Variants in CNTN6 observed in about 807,000 individuals in gnomAD.
CNTN6 encodes the protein contactin-6.
CNTN6 carries 137 observed loss-of-function variants against 122.8 expected under a neutral mutation model. The ratio of observed to expected loss-of-function variants is 1.12; its 90% CI spans 0.97 to 1.29. The LOEUF (loss-of-function observed/expected upper bound fraction) is 1.29. Ranked by LOEUF, CNTN6 falls within the 50% of genes most tolerant of loss-of-function variation. The probability of loss-of-function intolerance (pLI) is 0.00; values close to 1 mark genes in which losing one functional copy is unlikely to be tolerated. For synonymous variants in CNTN6, 570 were observed against 426.0 expected (o/e 1.34, Z -4.16); for missense variants, 1,634 against 1,223.4 (o/e 1.34, Z -5.01).
intron 17 of CNTN6, among the ~76,000 whole-genome samples, chr3:1,377,988 C>G (rs1710126510): frequency 6.6e-6 from 1 of 152,142 alleles, no homozygotes; most frequent in South Asian, 2.1e-4. Context: ...CAAGGACTCC[C>G]AACTGCAATT....
chr3:1,292,932 T>G (rs1406125281), intron 5 of CNTN6, among the ~76,000 whole-genome samples: 2 of 151,900 alleles, frequency 1.3e-5, no homozygotes, highest in Non-Finnish European at 1.5e-5. Context: ...GTTCCCACAC[T>G]CATAACATGC....
rs912181661 is a variant in CNTN6 at position 1,403,335 on chromosome 3, A to G, written c.3004A>G (p.Ile1002Val). 3.7e-5 allele frequency: 60 copies of G among 1,609,080 alleles called. No individual in the cohort carries two copies. The highest frequency in any genetic ancestry group is 5.1e-5 in the Non-Finnish European group (60 of 1,177,342). ...TTTTGCAGGTTTGAGTTCCAGAGGA[A>G]TTCAATTCTTAGAACCTAGCACCCA... The part of the protein sequence containing the change: ...PKMSSLSSRG[I>V]QFLEPSTHFL... The change falls in exon 23 of 23, where the codon ATT becomes GTT. Residue 1002 changes from isoleucine (I) to valine (V), a missense_variant. Coordinates refer to ENST00000446702, the MANE Select transcript of CNTN6 (RefSeq NM_001289080.2).
At chr3:1,135,800 C>G (rs2092457466) in intron 1 of CNTN6, among the ~76,000 whole-genome samples, 2 of 152,076 alleles carry the variant, frequency 1.3e-5, no homozygotes, top group African/African-American at 4.8e-5. Context: ...CAAGACCTGC[C>G]TGACCAACAC....
intron 1 of CNTN6, among the ~76,000 whole-genome samples, chr3:1,132,232 C>T (rs1220221526): frequency 1.3e-5 from 2 of 151,944 alleles, no homozygotes; most frequent in Non-Finnish European, 2.9e-5. Flanking sequence ...TTTTCAAACT[C>T]ATGTCTTTTA....
intron 12 of CNTN6, among the ~76,000 whole-genome samples, chr3:1,359,402 A>G (rs1489661660): frequency 6.6e-6 from 1 of 152,074 alleles, no homozygotes; most frequent in East Asian, 1.9e-4. Context: ...AGACATCTCA[A>G]CTTTTAGACA....
chr3:1,281,595 G>T (rs528806618), intron 5 of CNTN6, among the ~76,000 whole-genome samples: 1 of 152,014 alleles, frequency 6.6e-6, no homozygotes, highest in African/African-American at 2.4e-5. Context: ...TTCCCGAGTA[G>T]CTGGAACCAC....
At chr3:1,148,379 AT>A (rs1397110229) in intron 2 of CNTN6, among the ~76,000 whole-genome samples, 3 of 151,822 alleles carry the variant, frequency 2.0e-5, no homozygotes, top group Non-Finnish European at 4.4e-5. Context: ...GTAATTAAAT[AT>A]TTTTATCACC....
intron 1 of CNTN6, among the ~76,000 whole-genome samples, chr3:1,129,357 C>A (rs1206620737): frequency 6.6e-6 from 1 of 151,994 alleles, no homozygotes; most frequent in African/African-American, 2.4e-5. Context: ...ATCCTCCATT[C>A]CCAGGCGACT....
In CNTN6 at chr3:1,271,752, T is replaced by C. The variant is rs184868518; in HGVS notation, c.359-6661T>C. Among the ~76,000 whole-genome samples the C allele has an allele frequency of 5.0e-3, 765 of 152,270 alleles. 5 individuals carry two copies. The highest frequency in any genetic ancestry group is 0.013 in the Admixed American group (206 of 15,292). The stretch of plus-strand genomic sequence containing the variant: ...CCTTTACCCCTCCGCTAGCAATTTG[T>C]ACAACTTTTTGGAAAAGCATTAGGC... On this transcript the variant is annotated intron_variant, in intron 4 of 22. Transcript: ENST00000446702.
At chr3:1,167,023 C>T (rs944738868) in intron 2 of CNTN6, among the ~76,000 whole-genome samples, 2 of 149,324 alleles carry the variant, frequency 1.3e-5, no homozygotes, top group African/African-American at 5.0e-5. Context: ...GCACGTTCTG[C>T]ACATGTATCC....
At chr3:1,387,147 C>T (rs1280861923) in intron 20 of CNTN6, among the ~76,000 whole-genome samples, 1 of 151,214 alleles carries the variant, frequency 6.6e-6, no homozygotes, top group East Asian at 1.9e-4. Flanking sequence ...CTCACTCCTT[C>T]CCAAATTACC....
At position 1,327,407 on chromosome 3, in the gene CNTN6, G is replaced by C. The variant is rs1234444055; in HGVS notation, c.1084-50G>C. The C allele has an allele frequency of 1.1e-5, 17 of 1,558,828 alleles. No homozygotes were observed. The Middle Eastern group carries it at 5.6e-4, about 52-fold the overall frequency. On this transcript the variant is annotated intron_variant, in intron 9 of 22. Transcript: ENST00000446702. ...GTTTAATAACATATCCTGGTTAAGAGAATGCTATATTAACGTACAAGCATC... is the reference window on the plus strand; with the variant it reads ...GTTTAATAACATATCCTGGTTAAGACAATGCTATATTAACGTACAAGCATC...
chr3:1,385,270 T>TGACTGATTATATACAA (rs569356683), intron 19 of CNTN6, among the ~76,000 whole-genome samples: 121 of 152,246 alleles, frequency 7.9e-4, no homozygotes, highest in African/African-American at 2.7e-3. Context: ...TGAAAGTCTT[T>TGACTGATTATATACAA]GACTGATTAT....
chr3:1,172,620 C>CTG (rs3836248), intron 2 of CNTN6, among the ~76,000 whole-genome samples: 10,959 of 149,994 alleles, frequency 0.073, 483 homozygotes, highest in Non-Finnish European at 0.11. Flanking sequence ...CAATAACTCT[C>CTG]TGTGTGTGTG....
At chr3:1,386,177 T>A (rs1041159009) in intron 20 of CNTN6, among the ~76,000 whole-genome samples, 4 of 152,206 alleles carry the variant, frequency 2.6e-5, no homozygotes, top group African/African-American at 9.7e-5. Flanking sequence ...GTCATATTTA[T>A]GTTTTCATAG....
intron 1 of CNTN6, among the ~76,000 whole-genome samples, chr3:1,105,054 A>T (rs141781362): frequency 5.0e-4 from 76 of 152,214 alleles, no homozygotes; most frequent in African/African-American, 1.8e-3. Context: ...TACAATTTGC[A>T]TGTCAAATTG....
At chr3:1,233,257 C>T (rs1310030214) in intron 4 of CNTN6, among the ~76,000 whole-genome samples, 1 of 151,908 alleles carries the variant, frequency 6.6e-6, no homozygotes, top group African/African-American at 2.4e-5. Context: ...ACTATGAGGA[C>T]CAAATATATT....
In CNTN6 at chr3:1,185,449, G is replaced by A. The variant is rs78662551; in HGVS notation, c.56-35238G>A. On this transcript the variant is annotated intron_variant, in intron 2 of 22. Coordinates refer to ENST00000446702, the MANE Select transcript of CNTN6 (RefSeq NM_001289080.2). ...CTAAAAAGGTATTAAGAACCTCCAGGGGTTCCATTTCCACAGTTTGATAAC... is the reference window on the plus strand; with the variant it reads ...CTAAAAAGGTATTAAGAACCTCCAGAGGTTCCATTTCCACAGTTTGATAAC... Among the ~76,000 whole-genome samples the A allele has an allele frequency of 8.2e-3, 1,243 of 152,228 alleles. 10 individuals carry two copies. Among genetic ancestry groups the A allele is most frequent in the Middle Eastern group, 0.02 (6 of 294 alleles).
At position 1,381,763 on chromosome 3, in the gene CNTN6, C is replaced by G. The variant is rs149868453; in HGVS notation, c.2167-1179C>G. Among the ~76,000 whole-genome samples, 242 of 152,242 alleles carry G rather than the reference C, an allele frequency of 1.6e-3. 4 individuals are homozygous for G. Among genetic ancestry groups the G allele is most frequent in the African/African-American group, 5.6e-3 (233 of 41,542 alleles). ...TATTGCCTCACTGTTCCTGCTACTC[C>G]ATGTTCTCTACTTTTTGCCTGCTCT... On this transcript the variant is annotated intron_variant, in intron 17 of 22. Transcript: ENST00000446702.
Sources: allele counts gnomAD v4.1 joint callset (sites outside exome capture counted in the v4.1 genomes callset), GRCh38; gene constraint gnomAD v4.1.1; transcripts MANE v1.5; gene names NCBI Gene and HGNC (gene_info 2026-07-23, HGNC 2026-07-21).